RALYL: variants seen among roughly 807,000 people sequenced by gnomAD.
The protein encoded by RALYL is RALY RNA binding protein like.
In RALYL, 29 loss-of-function variants were observed where a neutral mutation model predicts 35.1. The observed-to-expected ratio is 0.83, with a 90% confidence interval of 0.61 to 1.13. RALYL has a LOEUF of 1.13. RALYL is among the 50% of genes most tolerant of loss of function. The pLI is 0.00. For synonymous variants in RALYL, 120 were observed against 127.6 expected (o/e 0.94, Z 0.40); for missense variants, 359 against 360.4 (o/e 1.00, Z 0.03).
At chr8:84,414,112 C>T (rs1349693318) in intron 1 of RALYL, among the ~76,000 whole-genome samples, 1 of 151,834 alleles carries the variant, frequency 6.6e-6, no homozygotes, top group Non-Finnish European at 1.5e-5. Context: ...AAATTCCTTC[C>T]ATTTTGTCCC....
intron 1 of RALYL, among the ~76,000 whole-genome samples, chr8:84,268,747 T>C (rs1031009371): frequency 6.6e-6 from 1 of 152,180 alleles, no homozygotes; most frequent in Non-Finnish European, 1.5e-5. Context: ...TAACAAAGTA[T>C]TAATAGCTGC....
rs377277698 is a variant in RALYL at position 84,350,216 on chromosome 8, G to T, written c.-24+165792G>T. Among the ~76,000 whole-genome samples the T allele has an allele frequency of 1.1e-3, 165 of 150,408 alleles. 7 individuals are homozygous for T. The South Asian group carries it at 0.033, about 30-fold the overall frequency. ...TCCACCACAGTTGGCTAGGCCTATA[G>T]CTTTATTCCCCCACATACCCTGACA... is the stretch of plus-strand genomic sequence containing the variant. On this transcript the variant is annotated intron_variant, in intron 1 of 8. Transcript: ENST00000521268.
chr8:84,769,669 G>A (rs1268694295), intron 2 of RALYL, among the ~76,000 whole-genome samples: 1 of 152,090 alleles, frequency 6.6e-6, no homozygotes, highest in Non-Finnish European at 1.5e-5. Context: ...GCTGAGGCAG[G>A]AGAATCACTT....
At chr8:84,355,753 T>C (rs1851705661) in intron 1 of RALYL, among the ~76,000 whole-genome samples, 1 of 150,222 alleles carries the variant, frequency 6.7e-6, no homozygotes, top group African/African-American at 2.5e-5. Context: ...TCTTCATTTA[T>C]GTGCAGTCAA....
chr8:84,300,894 A>G (rs1840646386), intron 1 of RALYL, among the ~76,000 whole-genome samples: 1 of 152,052 alleles, frequency 6.6e-6, no homozygotes, highest in South Asian at 2.1e-4. Context: ...ATTCAAGGTT[A>G]ATATTGATAT....
chr8:84,352,874 A>C (rs534241010), intron 1 of RALYL, among the ~76,000 whole-genome samples: 1 of 150,052 alleles, frequency 6.7e-6, no homozygotes, highest in Non-Finnish European at 1.5e-5. Flanking sequence ...TGCAAATCTT[A>C]TGTCGTTTTT....
intron 2 of RALYL, among the ~76,000 whole-genome samples, chr8:84,650,209 C>A (rs1408937865): frequency 6.6e-6 from 1 of 151,928 alleles, no homozygotes; most frequent in Non-Finnish European, 1.5e-5. Context: ...TCTAGATATA[C>A]AATCATGTCA....
At chr8:84,505,891 G>A (rs1026091596) in intron 1 of RALYL, among the ~76,000 whole-genome samples, 10 of 152,004 alleles carry the variant, frequency 6.6e-5, no homozygotes, top group Non-Finnish European at 1.3e-4. Flanking sequence ...CTGGTATAGG[G>A]TGACTTTTGA....
chr8:84,644,901 A>G (rs1442389215), intron 2 of RALYL, among the ~76,000 whole-genome samples: 1 of 151,670 alleles, frequency 6.6e-6, no homozygotes, highest in Non-Finnish European at 1.5e-5. Context: ...ACGGGTATGC[A>G]CCACCACACC....
chr8:84,886,668 A>T (rs1586971844), intron 7 of RALYL, among the ~76,000 whole-genome samples: 1 of 152,270 alleles, frequency 6.6e-6, no homozygotes, highest in Non-Finnish European at 1.5e-5. Flanking sequence ...ATCATAGGGG[A>T]TGAATACCAC....
intron 1 of RALYL, among the ~76,000 whole-genome samples, chr8:84,393,336 C>T (rs1861119480): frequency 6.6e-6 from 1 of 152,040 alleles, no homozygotes; most frequent in Admixed American, 6.6e-5. Context: ...GGCTGTTGAC[C>T]AGAAGCTGCC....
intron 1 of RALYL, among the ~76,000 whole-genome samples, chr8:84,480,267 C>T (rs375439770): frequency 6.6e-6 from 1 of 152,004 alleles, no homozygotes; most frequent in Non-Finnish European, 1.5e-5. Flanking sequence ...AAAGAGTGCA[C>T]TTTGTTCTGA....
intron 1 of RALYL, among the ~76,000 whole-genome samples, chr8:84,344,739 T>C (rs1208468985): frequency 4.6e-5 from 7 of 152,072 alleles, no homozygotes; most frequent in Non-Finnish European, 8.8e-5. Context: ...CAATCTACCC[T>C]CTGCTACTAT....
intron 1 of RALYL, among the ~76,000 whole-genome samples, chr8:84,230,719 C>T (rs181449778): frequency 7.7e-4 from 117 of 152,278 alleles, no homozygotes; most frequent in African/African-American, 2.7e-3. Flanking sequence ...ATTTTTATGC[C>T]AAGCATTGTG....
At chr8:84,890,090 T>A (rs1462209969) in intron 8 of RALYL, among the ~76,000 whole-genome samples, 1 of 152,206 alleles carries the variant, frequency 6.6e-6, no homozygotes, top group Non-Finnish European at 1.5e-5. Flanking sequence ...ATGTTTTTCA[T>A]CACACACAGA....
intron 4 of RALYL, among the ~76,000 whole-genome samples, chr8:84,820,696 C>G (rs547219814): frequency 6.6e-6 from 1 of 152,228 alleles, no homozygotes; most frequent in East Asian, 1.9e-4. Context: ...AATGCTCTCC[C>G]TCCCCTTTCC....
intron 1 of RALYL, among the ~76,000 whole-genome samples, chr8:84,501,849 G>A (rs1198335581): frequency 2.0e-5 from 3 of 149,932 alleles, no homozygotes; most frequent in Non-Finnish European, 3.0e-5. Context: ...TAGATCCTAA[G>A]CCTATATATA....
rs1838300562 is a variant in RALYL, at chr8:84,862,433, G to A, written c.551G>A (p.Ser184Asn). Residue 184 changes from serine (S) to asparagine (N), a missense_variant, in exon 6 of 9, where the codon AGT becomes AAT. Coordinates refer to ENST00000521268, the MANE Select transcript of RALYL (RefSeq NM_173848.7). Reference sequence around the variant, plus strand: ...AAAGGTGGATCGAGATCTACTGCCAGTGGGTCAACAGGTTCTAAATGTAAG... The same window carrying A: ...AAAGGTGGATCGAGATCTACTGCCAATGGGTCAACAGGTTCTAAATGTAAG... ...SMKGGSRSTA[S>N]GSTGSKLKSD... 6.2e-7 allele frequency: 1 copy of A among 1,604,270 alleles called. No individual in the cohort carries two copies. Among genetic ancestry groups the A allele is most frequent in the Non-Finnish European group, 8.5e-7 (1 of 1,176,106 alleles).
chr8:84,197,570 T>C (rs555077343), intron 1 of RALYL, among the ~76,000 whole-genome samples: 96 of 152,196 alleles, frequency 6.3e-4, no homozygotes, highest in Non-Finnish European at 1.1e-3. Flanking sequence ...ACCATTGCTT[T>C]ATTTTTCTAC....
Sources: allele counts gnomAD v4.1 joint callset (sites outside exome capture counted in the v4.1 genomes callset), GRCh38; gene constraint gnomAD v4.1.1; transcripts MANE v1.5; gene names NCBI Gene and HGNC (gene_info 2026-07-23, HGNC 2026-07-21).